Variants in PTPRN2 observed in about 807,000 individuals in gnomAD.
The protein encoded by PTPRN2 is protein tyrosine phosphatase receptor type N2.
In PTPRN2, 74 loss-of-function variants were observed where a neutral mutation model predicts 118.8. The observed-to-expected ratio is 0.62, with a 90% CI of 0.52 to 0.76. The LOEUF (loss-of-function observed/expected upper bound fraction) is 0.76. Among genes scored for constraint, PTPRN2 ranks in the 30% least tolerant of loss-of-function variants. PTPRN2 has a pLI of 0.00. For missense variants in PTPRN2, 1,481 were observed against 1,394.4 expected (o/e 1.06, Z -0.99); for synonymous variants, 641 against 608.0 (o/e 1.05, Z -0.80).
intron 12 of PTPRN2, among the ~76,000 whole-genome samples, chr7:157,810,119 C>G (rs986922692): frequency 6.6e-6 from 1 of 152,260 alleles, no homozygotes; most frequent in African/African-American, 2.4e-5. Context: ...GCCCACAACA[C>G]CCTGAGCTTC....
rs73513261 is a variant in PTPRN2 at position 157,831,413 on chromosome 7, G to T, written c.1788+67260C>A. 0.049 allele frequency among the ~76,000 whole-genome samples: 7,411 copies of T among 152,308 alleles called. 478 individuals carry two copies. Among genetic ancestry groups the T allele is most frequent in the African/African-American group, 0.14 (5,908 of 41,546 alleles). ...TTCCCGAAGCATCTTAACTGATGCG[G>T]GTTCTGTGTCCAGGGAAGAGCAGGG... On this transcript the variant is annotated intron_variant, in intron 12 of 22. Coordinates refer to ENST00000389418, the MANE Select transcript of PTPRN2 (RefSeq NM_002847.5). This position sits in a 1 kb window ranked among gnomAD's most constrained non-coding sequence, Gnocchi z 4.8.
chr7:157,856,152 T>C (rs1234290773), intron 12 of PTPRN2: 3 of 152,238 alleles, frequency 2.0e-5, no homozygotes, highest in Non-Finnish European at 4.4e-5. Context: ...TGGATTTTTA[T>C]GATAATAATT....
intron 5 of PTPRN2, among the ~76,000 whole-genome samples, chr7:158,168,678 CA>C (rs1823252415): frequency 6.6e-6 from 1 of 152,182 alleles, no homozygotes; most frequent in South Asian, 2.1e-4. Flanking sequence ...CCTATCACAT[CA>C]TTTACTAGTC....
chr7:158,540,647 G>C (rs1037396417), intron 1 of PTPRN2, among the ~76,000 whole-genome samples: 1 of 152,202 alleles, frequency 6.6e-6, no homozygotes, highest in Admixed American at 6.5e-5. Context: ...GACCACAAGG[G>C]ACCCTGGGGC....
intron 11 of PTPRN2, among the ~76,000 whole-genome samples, chr7:158,079,766 G>A (rs551189860): frequency 1.4e-4 from 21 of 152,310 alleles, no homozygotes; most frequent in African/African-American, 2.2e-4. Flanking sequence ...CACTGAAGCC[G>A]TTGTTGGGAC....
At chr7:158,248,978 C>A (rs1033606567) in intron 3 of PTPRN2, among the ~76,000 whole-genome samples, 16 of 152,042 alleles carry the variant, frequency 1.1e-4, no homozygotes, top group Admixed American at 5.2e-4. Context: ...CACGTGCACA[C>A]CACACATATG....
intron 1 of PTPRN2, among the ~76,000 whole-genome samples, chr7:158,585,238 G>C (rs1563458982): frequency 6.6e-6 from 1 of 152,210 alleles, no homozygotes; most frequent in Non-Finnish European, 1.5e-5. Flanking sequence ...CAGCAACACT[G>C]AGTGAGGATG....
chr7:158,407,198 T>TCCC (rs1813574751), intron 2 of PTPRN2, among the ~76,000 whole-genome samples: 1 of 30,258 alleles, frequency 3.3e-5, no homozygotes, highest in African/African-American at 1.1e-4. Flanking sequence ...TCCTGGGTCC[T>TCCC]GGGTCCTGGG....
chr7:158,401,067 A>G (rs1046180725), intron 2 of PTPRN2, among the ~76,000 whole-genome samples: 1 of 152,044 alleles, frequency 6.6e-6, no homozygotes, highest in East Asian at 1.9e-4. Flanking sequence ...CAGAATCTAA[A>G]AGAGAAAGCG....
At chr7:158,278,739 G>A (rs183988159) in intron 3 of PTPRN2, among the ~76,000 whole-genome samples, 37 of 152,278 alleles carry the variant, frequency 2.4e-4, no homozygotes, top group South Asian at 1.4e-3. Context: ...TCTTTCTTCC[G>A]GTGGGTTCAT....
intron 17 of PTPRN2, among the ~76,000 whole-genome samples, chr7:157,594,509 C>T (rs138891554): frequency 2.2e-4 from 34 of 152,328 alleles, no homozygotes; most frequent in Admixed American, 3.3e-4. Flanking sequence ...GGTGACGCGT[C>T]GCTTCCCACC....
At position 158,260,999 on chromosome 7, in the gene PTPRN2, G is replaced by A. The variant is rs546552990; in HGVS notation, c.278-55726C>T. Among the ~76,000 whole-genome samples, 3 of 152,278 alleles carry A rather than the reference G, an allele frequency of 2.0e-5. No homozygotes were observed. The East Asian group carries it at 5.8e-4, about 29-fold the overall frequency. On this transcript the variant is annotated intron_variant, in intron 3 of 22. Coordinates refer to ENST00000389418, the MANE Select transcript of PTPRN2 (RefSeq NM_002847.5). ...GTCAGCTCAGCCCTCAGAGCCACTT[G>A]TAGGAGGTCTGGGCACAATAGATAC...
rs957645226 is a variant in PTPRN2, at chr7:157,622,679, C to T, written c.2197-1170G>A. ...GGAGCAGGTGCATCGGGCACCTGTG[C>T]TGTTTGCGCGACACCCCCGCATCTG... On this transcript the variant is annotated intron_variant, in intron 14 of 22. Coordinates refer to ENST00000389418, the MANE Select transcript of PTPRN2 (RefSeq NM_002847.5). The surrounding 1 kb of genome is among the most constrained non-coding windows in gnomAD (Gnocchi z 5.3). Among the ~76,000 whole-genome samples the T allele has an allele frequency of 6.6e-6, 1 of 152,176 alleles. No homozygotes were observed. The highest frequency in any genetic ancestry group is 1.5e-5 in the Non-Finnish European group (1 of 68,030).
At chr7:158,004,118 C>T (rs1483656392) in intron 11 of PTPRN2, among the ~76,000 whole-genome samples, 1 of 152,048 alleles carries the variant, frequency 6.6e-6, no homozygotes, top group Admixed American at 6.6e-5. Flanking sequence ...AAAAATTGCT[C>T]TGTTAATGCT....
At chr7:158,401,075 GCGGCAC>G (rs998712456) in intron 2 of PTPRN2, among the ~76,000 whole-genome samples, 6 of 152,288 alleles carry the variant, frequency 3.9e-5, no homozygotes, top group Middle Eastern at 3.4e-3. Context: ...AAAAGAGAAA[GCGGCAC>G]CGCCACCAGC....
chr7:158,242,439 A>C (rs1795955335), intron 3 of PTPRN2, among the ~76,000 whole-genome samples: 1 of 152,322 alleles, frequency 6.6e-6, no homozygotes, highest in East Asian at 1.9e-4. Context: ...GAATTCACAA[A>C]GTTCAACTCC....
rs934949016 is a variant in PTPRN2 at position 158,022,737 on chromosome 7, G to A, written c.1723+58561C>T. On this transcript the variant is annotated intron_variant, in intron 11 of 22. Coordinates refer to ENST00000389418, the MANE Select transcript of PTPRN2 (RefSeq NM_002847.5). The surrounding 1 kb of genome is among the most constrained non-coding windows in gnomAD (Gnocchi z 4.6). Reference sequence around the variant, plus strand: ...TGCAGCAAAGCATCAGGCTGCCCACGCCAGAAGGCTTTCCCCCACGGAGGC... The same window carrying A: ...TGCAGCAAAGCATCAGGCTGCCCACACCAGAAGGCTTTCCCCCACGGAGGC... Among the ~76,000 whole-genome samples the A allele has an allele frequency of 1.3e-5, 2 of 152,278 alleles. No homozygotes were observed. Among genetic ancestry groups the A allele is most frequent in the African/African-American group, 2.4e-5 (1 of 41,482 alleles).
chr7:158,412,679 G>A (rs1464954098), intron 2 of PTPRN2, among the ~76,000 whole-genome samples: 8 of 79,262 alleles, frequency 1.0e-4, no homozygotes, highest in Non-Finnish European at 1.2e-4. Flanking sequence ...ACCCTCCTCA[G>A]CACCAGGGCC....
intron 12 of PTPRN2, among the ~76,000 whole-genome samples, chr7:157,822,587 T>C (rs183701628): frequency 6.6e-6 from 1 of 151,926 alleles, no homozygotes; most frequent in East Asian, 2.0e-4. Flanking sequence ...AATACACTTA[T>C]CCATTCATCC....
Sources: gnomAD v4.1 joint callset for allele counts (sites outside exome capture counted in the v4.1 genomes callset) on GRCh38, gnomAD v4.1.1 for gene constraint, Gnocchi (gnomAD v3.1) non-coding constraint, MANE v1.5 for transcripts, NCBI Gene and HGNC (gene_info 2026-07-23, HGNC 2026-07-21) for gene names.